Variants in SLC39A14 observed in about 807,000 individuals in gnomAD.
SLC39A14 encodes the protein solute carrier family 39 member 14.
In SLC39A14, 19 loss-of-function variants were observed where a neutral mutation model predicts 45.5. The ratio of observed to expected loss-of-function variants is 0.42; its 90% CI spans 0.29 to 0.61. SLC39A14 has a LOEUF of 0.61. Among genes scored for constraint, SLC39A14 ranks in the 20% least tolerant of loss-of-function variants. SLC39A14 has a pLI of 0.22. For synonymous variants in SLC39A14, 264 were observed against 251.3 expected (o/e 1.05, Z -0.48); for missense variants, 447 against 616.5 (o/e 0.73, Z 2.91).
In SLC39A14 at chr8:22,421,885, T is replaced by C. The variant is rs1051647; in HGVS notation, c.*2187T>C. The C allele has an allele frequency of 0.051, 50,702 of 985,304 alleles. 1,357 individuals carry two copies. The highest frequency in any genetic ancestry group is 0.1 in the South Asian group (2,165 of 21,278). The allele number at this position is 985,304 out of a possible 1,614,324, so 61.0% of individuals were successfully genotyped here. On this transcript the variant is annotated 3_prime_UTR_variant, in exon 9 of 9. Coordinates refer to ENST00000381237, the MANE Select transcript of SLC39A14 (RefSeq NM_001128431.4). ...TGTTTTCCCTTTTTGTGCACACCTA[T>C]ATTACCTTAAGAAATTTCCTTCCAT...
At chr8:22,387,129 T>C (rs1586665285) in intron 1 of SLC39A14, among the ~76,000 whole-genome samples, 1 of 151,018 alleles carries the variant, frequency 6.6e-6, no homozygotes, top group Non-Finnish European at 1.5e-5. Context: ...GCTGTGATCA[T>C]GTCAGTGCAC....
chr8:22,403,306 G>A (rs961981763), intron 1 of SLC39A14, among the ~76,000 whole-genome samples: 2 of 146,666 alleles, frequency 1.4e-5, no homozygotes, highest in Non-Finnish European at 3.0e-5. Flanking sequence ...TTGAGACGGA[G>A]TCTTGCTGTG....
At position 22,416,103 on chromosome 8, in the gene SLC39A14, T is replaced by A. The variant is rs1298505289; in HGVS notation, c.970T>A (p.Trp324Arg). ...GCAGGCTTCCCAGAGTGCTTGCTACTGGCTGAAAGGTGTCCGCTACTCTGA... is the reference window on the plus strand; with the variant it reads ...GCAGGCTTCCCAGAGTGCTTGCTACAGGCTGAAAGGTGTCCGCTACTCTGA... ...DLQASQSACY[W>R]LKGVRYSDIG... Residue 324 changes from tryptophan (W) to arginine (R), a missense_variant, in exon 7 of 9, where the codon TGG (tryptophan) becomes AGG (arginine). Trp to Arg is a moderately radical substitution (Grantham distance 101). Transcript: ENST00000381237. 6.2e-7 allele frequency: 1 copy of A among 1,614,040 alleles called. No homozygotes were observed. The highest frequency in any genetic ancestry group is 8.5e-7 in the Non-Finnish European group (1 of 1,180,036).
chr8:22,385,718 T>G (rs1370015941), intron 1 of SLC39A14, among the ~76,000 whole-genome samples: 1 of 152,106 alleles, frequency 6.6e-6, no homozygotes, highest in African/African-American at 2.4e-5. Context: ...TCCATGTGGC[T>G]GGGTGTGGTG....
At chr8:22,370,275 C>T (rs1832858288) in intron 1 of SLC39A14, among the ~76,000 whole-genome samples, 1 of 152,178 alleles carries the variant, frequency 6.6e-6, no homozygotes, top group East Asian at 1.9e-4. Context: ...CCTGCTCACA[C>T]CCTGCACTAT....
intron 1 of SLC39A14, among the ~76,000 whole-genome samples, chr8:22,376,336 T>G: frequency 7.0e-6 from 1 of 142,380 alleles, no homozygotes; most frequent in African/African-American, 2.7e-5. Flanking sequence ...CACACCTAAT[T>G]TTTTTTTTTT....
chr8:22,434,001 C>G (rs992443382), exon 9 of SLC39A14: 1 of 383,894 alleles, frequency 2.6e-6, no homozygotes, highest in Non-Finnish European at 5.2e-6. Flanking sequence ...TCCCGAGTAA[C>G]TGAGCCAGCC....
chr8:22,404,458 G>GTTTTTTTTTT (rs375772752), intron 1 of SLC39A14: 8 of 280,464 alleles, frequency 2.9e-5, no homozygotes, highest in African/African-American at 1.6e-4. Context: ...CCGCATTGCT[G>GTTTTTTTTTT]TTTGTTTTTT....
Position 22,410,234 on chromosome 8 carries a change from C to A in SLC39A14, c.457+1738C>A, listed in dbSNP as rs1835490594. 3 of 1,031,178 alleles carry A rather than the reference C, an allele frequency of 2.9e-6. No homozygotes were observed. In the Admixed American group the frequency reaches 6.1e-5, roughly 21 times the overall value. 63.9% of individuals were successfully genotyped at this position (1,031,178 alleles called of 1,614,324 possible). A position where few individuals can be genotyped will look rare whatever the true frequency, so the allele number is the denominator to read the frequency against. On this transcript the variant is annotated intron_variant, in intron 3 of 8. Transcript: ENST00000381237. ...AATGACTGCCACCTGAGAAATGAAC[C>A]TGTCCCTCGTATCAAAGCCACAAAC...
intron 1 of SLC39A14, among the ~76,000 whole-genome samples, chr8:22,373,062 G>A (rs1833018226): frequency 6.6e-6 from 1 of 151,998 alleles, no homozygotes; most frequent in Admixed American, 6.6e-5. Flanking sequence ...AAGAGATCCC[G>A]ACCATCCTGG....
intron 8 of SLC39A14, among the ~76,000 whole-genome samples, chr8:22,430,656 G>C (rs1180122533): frequency 6.6e-6 from 1 of 152,060 alleles, no homozygotes; most frequent in Non-Finnish European, 1.5e-5. Context: ...AGTGACGGCA[G>C]CTTTGGGGCT....
chr8:22,391,658 T>C (rs4872482), intron 1 of SLC39A14, among the ~76,000 whole-genome samples: 88,244 of 151,548 alleles, frequency 0.58, 26,962 homozygotes, highest in African/African-American at 0.77. Context: ...GCAACTTCTG[T>C]CTCCCGGGTT....
downstream of SLC39A14, chr8:22,422,814 TAGA>T: frequency 1.6e-6 from 1 of 617,888 alleles, no homozygotes; most frequent in Non-Finnish European, 1.9e-6. Flanking sequence ...ACTGGGATTT[TAGA>T]AGGTTTTTTT....
chr8:22,394,206 C>T (rs1332230536), intron 1 of SLC39A14, among the ~76,000 whole-genome samples: 1 of 151,522 alleles, frequency 6.6e-6, no homozygotes, highest in Non-Finnish European at 1.5e-5. Flanking sequence ...GGGGTTTCAC[C>T]ATGTTGGCCA....
At chr8:22,393,204 G>A (rs887021585) in intron 1 of SLC39A14, 1 of 985,660 alleles carries the variant, frequency 1.0e-6, no homozygotes, top group African/African-American at 1.7e-5. Context: ...GGGAGCAGGA[G>A]CTGGAGGAAG....
At position 22,421,742 on chromosome 8, in the gene SLC39A14, T is replaced by C. The variant is rs779053409; in HGVS notation, c.*2044T>C. On this transcript the variant is annotated 3_prime_UTR_variant, in exon 9 of 9. Coordinates refer to ENST00000381237, the MANE Select transcript of SLC39A14 (RefSeq NM_001128431.4). ...TAGCATTCCCAATAGATCCTATCAT[T>C]CCTTAAACATAATACCCTTTGTCTT... The C allele has an allele frequency of 3.0e-6, 3 of 984,540 alleles. No individual in the cohort carries two copies. In the African/African-American group the frequency reaches 5.2e-5, roughly 17 times the overall value. 61.0% of individuals were successfully genotyped at this position (984,540 alleles called of 1,614,324 possible).
chr8:22,415,055 C>T (rs1835792851), intron 5 of SLC39A14, 153 bp downstream of exon 5: 12 of 928,326 alleles, frequency 1.3e-5, no homozygotes, highest in Non-Finnish European at 1.9e-5. Flanking sequence ...CCCATTTCAC[C>T]TCCTGAGGAT....
At chr8:22,425,888 T>TTTTTTG (rs779301081), downstream of SLC39A14, among the ~76,000 whole-genome samples, 1 of 126,240 alleles carries the variant, frequency 7.9e-6, no homozygotes, top group Non-Finnish European at 1.8e-5. Context: ...AGATGGTTTT[T>TTTTTTG]GTTTTTTTTT....
At position 22,420,179 on chromosome 8, in the gene SLC39A14, A is replaced by T; in HGVS notation, c.*481A>T. 1.0e-6 allele frequency: 1 copy of T among 986,170 alleles called. No homozygotes were observed. The highest frequency in any genetic ancestry group is 1.2e-6 in the Non-Finnish European group (1 of 830,472). 61.1% of individuals were successfully genotyped at this position (986,170 alleles called of 1,614,324 possible). A position where few individuals can be genotyped will look rare whatever the true frequency, so the allele number is the denominator to read the frequency against. ...CCAATAGAAGAGACAGGAGACAGGAAGCCTTCCCATTTTTTCAAAGTCTGT... is the reference window on the plus strand; with the variant it reads ...CCAATAGAAGAGACAGGAGACAGGATGCCTTCCCATTTTTTCAAAGTCTGT... On this transcript the variant is annotated 3_prime_UTR_variant, in exon 9 of 9. Transcript: ENST00000381237.
Sources: allele counts gnomAD v4.1 joint callset (sites outside exome capture counted in the v4.1 genomes callset), GRCh38; gene constraint gnomAD v4.1.1; transcripts MANE v1.5; gene names NCBI Gene and HGNC (gene_info 2026-07-23, HGNC 2026-07-21).